PAFAH1B2: variants seen among roughly 807,000 people sequenced by gnomAD.
PAFAH1B2 encodes platelet activating factor acetylhydrolase 1b catalytic subunit 2.
PAFAH1B2 carries 8 observed loss-of-function variants against 28.0 expected under a neutral mutation model. That is an observed-to-expected ratio of 0.29 (90% CI 0.17 to 0.52). The LOEUF (loss-of-function observed/expected upper bound fraction) is 0.52. Among genes scored for constraint, PAFAH1B2 ranks in the 20% least tolerant of loss-of-function variants. The pLI is 0.97. For missense variants in PAFAH1B2, 190 were observed against 282.6 expected (o/e 0.67, Z 2.35); for synonymous variants, 104 against 103.2 (o/e 1.01, Z -0.05).
At chr11:117,175,845 T>G (rs933200763), downstream of PAFAH1B2, 5 of 1,467,158 alleles carry the variant, frequency 3.4e-6, no homozygotes, top group Non-Finnish European at 4.6e-6. Context: ...GCAGATCGCT[T>G]GAAGCCAGGA....
At chr11:117,163,739 T>C (rs1565270829) in intron 4 of PAFAH1B2, 31 bp from the exon 5 acceptor site, 1 of 1,610,458 alleles carries the variant, frequency 6.2e-7, no homozygotes, top group East Asian at 2.2e-5. Context: ...GTATTTATCT[T>C]CTCCTTCCCC....
At chr11:117,176,027 C>T, downstream of PAFAH1B2, 2 of 999,402 alleles carry the variant, frequency 2.0e-6, no homozygotes, top group Non-Finnish European at 3.0e-6. Context: ...GATGAAGAAA[C>T]CTCTTTTGCC....
chr11:117,166,952 T>G (rs1354984268), intron 5 of PAFAH1B2, among the ~76,000 whole-genome samples: 1 of 152,184 alleles, frequency 6.6e-6, no homozygotes, highest in Non-Finnish European at 1.5e-5. Flanking sequence ...AAATGACATT[T>G]AGGATGCAAA....
At chr11:117,149,517 C>T (rs1299792699) in intron 1 of PAFAH1B2, among the ~76,000 whole-genome samples, 1 of 140,026 alleles carries the variant, frequency 7.1e-6, no homozygotes, top group African/African-American at 2.7e-5. Flanking sequence ...AGCTCGGCCT[C>T]CCAGGTTCAC....
chr11:117,149,171 CT>C (rs1488884536), intron 1 of PAFAH1B2, among the ~76,000 whole-genome samples: 1 of 151,646 alleles, frequency 6.6e-6, no homozygotes, highest in Non-Finnish European at 1.5e-5. Flanking sequence ...GCGTGAGCCA[CT>C]GCGCCCAGCC....
At chr11:117,171,292 A>G (rs1014987867), downstream of PAFAH1B2, among the ~76,000 whole-genome samples, 5 of 152,100 alleles carry the variant, frequency 3.3e-5, no homozygotes, top group African/African-American at 1.2e-4. Context: ...ACTCTTTTCC[A>G]TTAGATTGGA....
chr11:117,149,418 A>G (rs1300243651), intron 1 of PAFAH1B2, among the ~76,000 whole-genome samples: 1 of 111,856 alleles, frequency 8.9e-6, no homozygotes. Flanking sequence ...ATTTAAAAAA[A>G]GTTTTCTAAT....
At chr11:117,175,821 C>T (rs2029947664), downstream of PAFAH1B2, 1 of 1,315,840 alleles carries the variant, frequency 7.6e-7, no homozygotes, top group Non-Finnish European at 1.0e-6. Context: ...AATCCAGCTA[C>T]TCGAGAGGCT....
At chr11:117,145,937 A>ACT (rs1004448829) in intron 1 of PAFAH1B2, among the ~76,000 whole-genome samples, 1 of 152,150 alleles carries the variant, frequency 6.6e-6, no homozygotes, top group African/African-American at 2.4e-5. Context: ...CTGTATTGTC[A>ACT]TAGTAAGTAG....
intron 1 of PAFAH1B2, among the ~76,000 whole-genome samples, chr11:117,146,974 CA>C (rs1015468011): frequency 6.7e-6 from 1 of 148,724 alleles, no homozygotes; most frequent in Non-Finnish European, 1.5e-5. Flanking sequence ...TCAAAAAAAA[CA>C]AAAAAAAAGC....
chr11:117,155,732 A>T (rs1956242479), intron 2 of PAFAH1B2, among the ~76,000 whole-genome samples: 1 of 152,130 alleles, frequency 6.6e-6, no homozygotes. Context: ...CTAGATTCAC[A>T]AAAAGAGGCC....
intron 2 of PAFAH1B2, among the ~76,000 whole-genome samples, chr11:117,156,750 G>A (rs184713351): frequency 6.6e-6 from 1 of 152,132 alleles, no homozygotes; most frequent in African/African-American, 2.4e-5. Context: ...GCCGGGCACG[G>A]TGGCTCAGGC....
rs1314815674 is a variant in PAFAH1B2, at chr11:117,169,100, T to G, written c.*1401T>G. The G allele has an allele frequency of 9.8e-7, 1 of 1,019,792 alleles. No homozygotes were observed. Among genetic ancestry groups the G allele is most frequent in the African/African-American group, 1.7e-5 (1 of 58,534 alleles). The allele number at this position is 1,019,792 out of a possible 1,614,324, so 63.2% of individuals were successfully genotyped here. Reference sequence around the variant, plus strand: ...GCCACCGTGCCTGGCCTTATTGGCTTAGTTTTTAAATTATCCTCCAAAAAT... The same window carrying G: ...GCCACCGTGCCTGGCCTTATTGGCTGAGTTTTTAAATTATCCTCCAAAAAT... On this transcript the variant is annotated 3_prime_UTR_variant, in exon 6 of 6. Transcript: ENST00000527958.
intron 2 of PAFAH1B2, among the ~76,000 whole-genome samples, chr11:117,157,079 A>G (rs1242987528): frequency 6.6e-6 from 1 of 151,704 alleles, no homozygotes; most frequent in Non-Finnish European, 1.5e-5. Flanking sequence ...CAGTACCTGC[A>G]ATAGGGAGTT....
intron 1 of PAFAH1B2, among the ~76,000 whole-genome samples, chr11:117,149,444 T>TTTTTTTTTTTTTTTG (rs55897321): frequency 1.4e-5 from 2 of 142,324 alleles, no homozygotes; most frequent in Non-Finnish European, 3.1e-5. Flanking sequence ...TTTTTTTTTT[T>TTTTTTTTTTTTTTTG]GAGATGGAGT....
chr11:117,162,624 C>T (rs1481311139), intron 4 of PAFAH1B2, among the ~76,000 whole-genome samples: 1 of 148,044 alleles, frequency 6.8e-6, no homozygotes, highest in Admixed American at 6.7e-5. Context: ...AAAAAAAAAG[C>T]CAGGCATGGT....
chr11:117,171,538 G>GA (rs543577332), downstream of PAFAH1B2: 31,469 of 451,470 alleles, frequency 0.07, 118 homozygotes, highest in African/African-American at 0.087. Flanking sequence ...TCTTGTCTCG[G>GA]AAAAAAAAAA....
At chr11:117,177,716 A>G (rs1326999086), downstream of PAFAH1B2, among the ~76,000 whole-genome samples, 1 of 152,186 alleles carries the variant, frequency 6.6e-6, no homozygotes, top group Non-Finnish European at 1.5e-5. Flanking sequence ...GTATTTTTAT[A>G]GTAGAGATGG....
chr11:117,158,092 C>G (rs1041566786), intron 2 of PAFAH1B2, among the ~76,000 whole-genome samples: 4 of 152,148 alleles, frequency 2.6e-5, no homozygotes, highest in African/African-American at 9.7e-5. Context: ...GAGCTAAGAT[C>G]GCGCCACTAC....
Sources: gnomAD v4.1 joint callset for allele counts (sites outside exome capture counted in the v4.1 genomes callset) on GRCh38, gnomAD v4.1.1 for gene constraint, MANE v1.5 for transcripts, NCBI Gene and HGNC (gene_info 2026-07-23, HGNC 2026-07-21) for gene names.